PPP1R14C: variants seen among roughly 807,000 people sequenced by gnomAD.
PPP1R14C encodes the protein protein phosphatase 1 regulatory inhibitor subunit 14C.
PPP1R14C carries 16 observed loss-of-function variants against 20.4 expected under a neutral mutation model. That is an observed-to-expected ratio of 0.78 (90% confidence interval 0.53 to 1.19). The LOEUF (loss-of-function observed/expected upper bound fraction) is 1.19, where lower values mean the gene tolerates loss of function less well. Ranked by LOEUF, PPP1R14C falls within the 50% of genes most tolerant of loss-of-function variation. The pLI, the probability that PPP1R14C is intolerant of heterozygous loss-of-function variation, is 0.00. For missense variants in PPP1R14C, 211 were observed against 220.1 expected, an observed-to-expected ratio of 0.96 and a Z score of 0.26; for synonymous variants, 91 against 91.0, an observed-to-expected ratio of 1.00 and a Z score of 0.00.
chr6:150,174,670 A>G (rs566712304), intron 1 of PPP1R14C, among the ~76,000 whole-genome samples: 44 of 152,038 alleles, frequency 2.9e-4, no homozygotes, highest in Admixed American at 1.0e-3. Context: ...ATCATTTAAT[A>G]ATAAGTAGTG....
rs1777133138 is a variant in PPP1R14C at position 150,143,113 on chromosome 6, G to C, written c.-80G>C. ...GGGGAGCCCTTCGCATGCGGCTGCC[G>C]GGCCGGAGGTGGTAGCGGCGCCGGG... On this transcript the variant is annotated 5_prime_UTR_variant, in exon 1 of 4. Coordinates refer to ENST00000361131, the MANE Select transcript of PPP1R14C (RefSeq NM_030949.3). The surrounding 1 kb of genome is among the most constrained non-coding windows in gnomAD (Gnocchi z 5.6). The C allele has an allele frequency of 4.3e-6, 5 of 1,160,310 alleles. No homozygotes were observed. The highest frequency in any genetic ancestry group is 4.3e-5 in the South Asian group (1 of 23,460). The allele number at this position is 1,160,310 out of a possible 1,614,324, so 71.9% of individuals were successfully genotyped here. A position where few individuals can be genotyped will look rare whatever the true frequency, so the allele number is the denominator to read the frequency against.
chr6:150,223,644 T>G (rs1330646402), intron 3 of PPP1R14C, among the ~76,000 whole-genome samples: 2 of 152,240 alleles, frequency 1.3e-5, no homozygotes, highest in African/African-American at 4.8e-5. Context: ...TATATAACTA[T>G]AGATGTTAAC....
chr6:150,174,322 C>A (rs1777533478), intron 1 of PPP1R14C, among the ~76,000 whole-genome samples: 1 of 152,076 alleles, frequency 6.6e-6, no homozygotes, highest in Admixed American at 6.5e-5. Context: ...TGGGTTCACA[C>A]CATTCTCCTG....
At chr6:150,188,284 ATCT>A (rs1777699886) in intron 1 of PPP1R14C, among the ~76,000 whole-genome samples, 3 of 152,132 alleles carry the variant, frequency 2.0e-5, no homozygotes, top group African/African-American at 7.2e-5. Context: ...ATTTTCATGA[ATCT>A]TCTTTTGGTA....
At chr6:150,228,087 C>T (rs1050251919) in intron 3 of PPP1R14C, among the ~76,000 whole-genome samples, 1 of 152,204 alleles carries the variant, frequency 6.6e-6, no homozygotes, top group Non-Finnish European at 1.5e-5. Flanking sequence ...GAATTGAGCA[C>T]AAGCTCTACT....
At chr6:150,221,311 A>G (rs1367318761) in intron 3 of PPP1R14C, among the ~76,000 whole-genome samples, 1 of 152,234 alleles carries the variant, frequency 6.6e-6, no homozygotes, top group Non-Finnish European at 1.5e-5. Flanking sequence ...CAAGAGAGTC[A>G]GGACTCAACC....
At chr6:150,158,455 A>G (rs1777328944) in intron 1 of PPP1R14C, among the ~76,000 whole-genome samples, 1 of 152,204 alleles carries the variant, frequency 6.6e-6, no homozygotes, top group African/African-American at 2.4e-5. Context: ...GGGTTGCTTC[A>G]AGAGAATTAC....
intron 3 of PPP1R14C, among the ~76,000 whole-genome samples, chr6:150,220,066 G>C (rs544100511): frequency 3.3e-5 from 5 of 152,146 alleles, no homozygotes; most frequent in Admixed American, 2.0e-4. Flanking sequence ...TGTTGGCCAG[G>C]CTGGTCTGAA....
intron 1 of PPP1R14C, among the ~76,000 whole-genome samples, chr6:150,208,704 G>T (rs537672513): frequency 5.3e-5 from 8 of 152,234 alleles, no homozygotes; most frequent in African/African-American, 1.9e-4. Flanking sequence ...GAGTGATAGC[G>T]TTTGGCTTCA....
At chr6:150,206,867 T>G (rs1777958395) in intron 1 of PPP1R14C, among the ~76,000 whole-genome samples, 4 of 142,100 alleles carry the variant, frequency 2.8e-5, no homozygotes, top group Admixed American at 1.4e-4. Flanking sequence ...TTTGTTTCTG[T>G]TTTTGTTTTT....
At chr6:150,209,266 C>G (rs1293615545) in intron 1 of PPP1R14C, among the ~76,000 whole-genome samples, 1 of 152,210 alleles carries the variant, frequency 6.6e-6, no homozygotes, top group Non-Finnish European at 1.5e-5. Flanking sequence ...AGACCATGAT[C>G]CATCTTCAGG....
At chr6:150,209,149 T>C (rs1777988925) in intron 1 of PPP1R14C, among the ~76,000 whole-genome samples, 1 of 152,138 alleles carries the variant, frequency 6.6e-6, no homozygotes, top group Non-Finnish European at 1.5e-5. Flanking sequence ...GCACAGGAGT[T>C]TAATCCCGTG....
chr6:150,216,399 G>A (rs988555561), intron 2 of PPP1R14C, among the ~76,000 whole-genome samples: 1 of 152,150 alleles, frequency 6.6e-6, no homozygotes, highest in Non-Finnish European at 1.5e-5. Flanking sequence ...GGAAGGCTGA[G>A]GCAGGAGAAT....
At chr6:150,150,161 G>A (rs938960264) in intron 1 of PPP1R14C, among the ~76,000 whole-genome samples, 3 of 152,298 alleles carry the variant, frequency 2.0e-5, no homozygotes, top group East Asian at 3.9e-4. Context: ...TAGACATGGC[G>A]AGGGCAAAAG....
chr6:150,200,300 AAT>A (rs1456519395), intron 1 of PPP1R14C, among the ~76,000 whole-genome samples: 1 of 150,618 alleles, frequency 6.6e-6, no homozygotes, highest in African/African-American at 2.4e-5. Context: ...CAGGATTTTA[AAT>A]AGACTCTATT....
chr6:150,204,737 A>G (rs1777922925), intron 1 of PPP1R14C, among the ~76,000 whole-genome samples: 2 of 152,164 alleles, frequency 1.3e-5, no homozygotes, highest in Admixed American at 6.5e-5. Flanking sequence ...ATGAAACTGA[A>G]ACCTGGGTCT....
At chr6:150,219,214 C>T (rs1439608384) in intron 3 of PPP1R14C, among the ~76,000 whole-genome samples, 2 of 151,182 alleles carry the variant, frequency 1.3e-5, no homozygotes, top group African/African-American at 4.9e-5. Flanking sequence ...AGTTGACAAT[C>T]CTTGCCTTTA....
In PPP1R14C at chr6:150,205,819, A is replaced by C. The variant is rs188983111; in HGVS notation, c.307-8925A>C. On this transcript the variant is annotated intron_variant, in intron 1 of 3. Transcript: ENST00000361131. Reference sequence around the variant, plus strand: ...AAAAAAAAAAAAATAATGGAAATAAAAAAGAAAAAGAAATATATATATCAT... The same window carrying C: ...AAAAAAAAAAAAATAATGGAAATAACAAAGAAAAAGAAATATATATATCAT... Among the ~76,000 whole-genome samples, 5 of 152,176 alleles carry C rather than the reference A, an allele frequency of 3.3e-5. No individual in the cohort carries two copies. The East Asian group carries it at 9.7e-4, about 29-fold the overall frequency.
At position 150,143,606 on chromosome 6, in the gene PPP1R14C, G is replaced by C. The variant is rs1777149192; in HGVS notation, c.306+108G>C. On this transcript the variant is annotated intron_variant, in intron 1 of 3. Transcript: ENST00000361131. The surrounding 1 kb of genome is among the most constrained non-coding windows in gnomAD (Gnocchi z 5.6). Reference sequence around the variant, plus strand: ...CGGGGCGCGCATGTCCCTGACTCCCGGGGACCAAGTGCCAGGAGCGAGGCG... The same window carrying C: ...CGGGGCGCGCATGTCCCTGACTCCCCGGGACCAAGTGCCAGGAGCGAGGCG... 3 of 797,386 alleles carry C rather than the reference G, an allele frequency of 3.8e-6. No individual in the cohort carries two copies. The highest frequency in any genetic ancestry group is 1.9e-5 in the African/African-American group (1 of 53,936). 49.4% of individuals were successfully genotyped at this position (797,386 alleles called of 1,614,324 possible). A position where few individuals can be genotyped will look rare whatever the true frequency, so the allele number is the denominator to read the frequency against.
Sources: gnomAD v4.1 joint callset for allele counts (sites outside exome capture counted in the v4.1 genomes callset) on GRCh38, gnomAD v4.1.1 for gene constraint, Gnocchi (gnomAD v3.1) non-coding constraint, MANE v1.5 for transcripts, NCBI Gene and HGNC (gene_info 2026-07-23, HGNC 2026-07-21) for gene names.